The following ANKS1B variants were observed in gnomAD, a reference collection of about 807,000 sequenced individuals.
ANKS1B encodes the protein ankyrin repeat and sterile alpha motif domain containing 1B.
Under a neutral mutation model 148.3 loss-of-function variants are expected in ANKS1B, and 36 were observed. The ratio of observed to expected loss-of-function variants is 0.24; its 90% CI spans 0.19 to 0.32. The LOEUF is 0.32. ANKS1B is among the 10% of genes least tolerant of loss of function. ANKS1B has a pLI of 1.00. For missense variants in ANKS1B, 1,157 were observed against 1,542.6 expected, an observed-to-expected ratio of 0.75 and a Z score of 4.19; for synonymous variants, 542 against 560.8, an observed-to-expected ratio of 0.97 and a Z score of 0.47.
At chr12:99,404,673 G>C (rs887284902) in intron 11 of ANKS1B, among the ~76,000 whole-genome samples, 1 of 145,284 alleles carries the variant, frequency 6.9e-6, no homozygotes, top group African/African-American at 2.6e-5. Flanking sequence ...GCTTCCAAAG[G>C]GCAAATCTAA....
chr12:99,137,306 C>T (rs1273405792), intron 15 of ANKS1B, among the ~76,000 whole-genome samples: 2 of 152,308 alleles, frequency 1.3e-5, no homozygotes, highest in South Asian at 2.1e-4. Context: ...CATCCCTGGA[C>T]GCTAGGCCTT....
intron 8 of ANKS1B, among the ~76,000 whole-genome samples, chr12:99,705,198 G>T (rs1291916782): frequency 6.6e-6 from 1 of 152,110 alleles, no homozygotes; most frequent in Non-Finnish European, 1.5e-5. Flanking sequence ...ATAGCCTGGT[G>T]ACTATCCGTC....
At chr12:99,323,840 G>T (rs571407387) in intron 12 of ANKS1B, among the ~76,000 whole-genome samples, 10 of 152,130 alleles carry the variant, frequency 6.6e-5, no homozygotes, top group Non-Finnish European at 1.0e-4. Context: ...AGACTAGAAA[G>T]GCAGTGAAGT....
chr12:98,907,342 G>C (rs1470241164), intron 17 of ANKS1B, among the ~76,000 whole-genome samples: 1 of 152,166 alleles, frequency 6.6e-6, no homozygotes, highest in African/African-American at 2.4e-5. Context: ...GGTCTGATGG[G>C]ACTGTGGAGC....
intron 15 of ANKS1B, among the ~76,000 whole-genome samples, chr12:99,138,215 A>G: frequency 6.6e-6 from 1 of 152,180 alleles, no homozygotes; most frequent in East Asian, 1.9e-4. Flanking sequence ...GGCAGTGGTC[A>G]TTATTCCAAG....
At chr12:99,617,379 G>A (rs1255319392) in intron 9 of ANKS1B, among the ~76,000 whole-genome samples, 4 of 152,042 alleles carry the variant, frequency 2.6e-5, no homozygotes, top group Non-Finnish European at 5.9e-5. Context: ...CAAAGACTTG[G>A]AACCAACCCA....
intron 4 of ANKS1B, among the ~76,000 whole-genome samples, chr12:99,804,332 C>T (rs1255831917): frequency 6.6e-6 from 1 of 152,166 alleles, no homozygotes; most frequent in Non-Finnish European, 1.5e-5. Context: ...TACTTATTTT[C>T]AATACCCCTT....
At chr12:98,892,307 T>C (rs374875497) in intron 17 of ANKS1B, among the ~76,000 whole-genome samples, 3 of 152,378 alleles carry the variant, frequency 2.0e-5, no homozygotes, top group East Asian at 3.9e-4. Context: ...TGCTCAAATA[T>C]GCTTATTCAA....
At chr12:99,689,196 T>C (rs1321089106) in intron 8 of ANKS1B, among the ~76,000 whole-genome samples, 1 of 152,208 alleles carries the variant, frequency 6.6e-6, no homozygotes, top group Non-Finnish European at 1.5e-5. Flanking sequence ...ACTAGATTAT[T>C]CTATTTAAAA....
chr12:99,519,143 T>C (rs750362868), intron 9 of ANKS1B, among the ~76,000 whole-genome samples: 1 of 152,174 alleles, frequency 6.6e-6, no homozygotes, highest in African/African-American at 2.4e-5. Context: ...AGCTAACATA[T>C]GGCCTATCCT....
At chr12:99,932,321 A>C (rs756061492) in intron 1 of ANKS1B, among the ~76,000 whole-genome samples, 1 of 151,960 alleles carries the variant, frequency 6.6e-6, no homozygotes, top group South Asian at 2.1e-4. Flanking sequence ...GTATTTCTCT[A>C]TATTTCTAGT....
At chr12:98,945,839 C>G (rs1475941697) in intron 17 of ANKS1B, among the ~76,000 whole-genome samples, 3 of 152,228 alleles carry the variant, frequency 2.0e-5, no homozygotes, top group Non-Finnish European at 4.4e-5. Flanking sequence ...GAATTCAGCA[C>G]TTCACCATCG....
chr12:99,720,148 C>G (rs1359580130), intron 8 of ANKS1B, among the ~76,000 whole-genome samples: 1 of 152,202 alleles, frequency 6.6e-6, no homozygotes, highest in African/African-American at 2.4e-5. Flanking sequence ...AAGGAAAGCA[C>G]TTCTCAGTGT....
intron 12 of ANKS1B, among the ~76,000 whole-genome samples, chr12:99,253,140 T>A (rs905898128): frequency 6.6e-6 from 1 of 151,876 alleles, no homozygotes; most frequent in Admixed American, 6.6e-5. Context: ...GATGGGAGGA[T>A]TGCTTGAGCC....
chr12:98,841,329 A>T (rs2153724459), intron 17 of ANKS1B, among the ~76,000 whole-genome samples: 1 of 152,318 alleles, frequency 6.6e-6, no homozygotes, highest in South Asian at 2.1e-4. Flanking sequence ...CTCAAGAGAC[A>T]ATCCTAGGTA....
chr12:99,785,084 G>A (rs2064858482), intron 4 of ANKS1B, among the ~76,000 whole-genome samples: 1 of 152,152 alleles, frequency 6.6e-6, no homozygotes, highest in Non-Finnish European at 1.5e-5. Context: ...AACACAGGAT[G>A]AAAAACTAGG....
At chr12:99,146,274 A>G (rs1566437113) in intron 15 of ANKS1B, among the ~76,000 whole-genome samples, 2 of 152,146 alleles carry the variant, frequency 1.3e-5, no homozygotes, top group Non-Finnish European at 2.9e-5. Context: ...ATCTGAATAG[A>G]TAAAAGAACT....
chr12:99,463,822 G>A (rs937537809), intron 10 of ANKS1B, among the ~76,000 whole-genome samples: 4 of 152,228 alleles, frequency 2.6e-5, no homozygotes, highest in African/African-American at 9.6e-5. Context: ...CACAGCTCAA[G>A]GAGGCCTGCC....
At chr12:99,905,706 C>T (rs866360955) in intron 1 of ANKS1B, among the ~76,000 whole-genome samples, 21 of 152,334 alleles carry the variant, frequency 1.4e-4, no homozygotes, top group Middle Eastern at 6.8e-3. Context: ...CAGATAGCTG[C>T]TTTCTTCCTG....
Sources: allele counts gnomAD v4.1 joint callset (sites outside exome capture counted in the v4.1 genomes callset), GRCh38; gene constraint gnomAD v4.1.1; transcripts MANE v1.5; gene names NCBI Gene and HGNC (gene_info 2026-07-23, HGNC 2026-07-21).